C1QTNF3: variants seen among roughly 807,000 people sequenced by gnomAD.
C1QTNF3 encodes C1q and TNF related 3.
A neutral mutation model predicts 32.6 loss-of-function variants in C1QTNF3; 26 were observed. That is an observed-to-expected ratio of 0.80 (90% CI 0.58 to 1.11). C1QTNF3 has a LOEUF of 1.11. C1QTNF3 is among the 50% of genes least tolerant of loss of function. The pLI, the probability that C1QTNF3 is intolerant of heterozygous loss-of-function variation, is 0.00. For synonymous variants in C1QTNF3, 155 were observed against 146.0 expected (o/e 1.06, Z -0.44); for missense variants, 362 against 398.2 (o/e 0.91, Z 0.77).
At chr5:34,111,163 G>T in the C1QTNF3 span, among the ~76,000 whole-genome samples, 1 of 152,144 alleles carries the variant, frequency 6.6e-6, no homozygotes, top group South Asian at 2.1e-4. Context: ...CTTTTGCACA[G>T]ATGATCTATA....
upstream of C1QTNF3, among the ~76,000 whole-genome samples, chr5:34,046,595 G>A (rs930169639): frequency 6.6e-6 from 1 of 152,174 alleles, no homozygotes; most frequent in East Asian, 1.9e-4. Context: ...ACAACCCTTA[G>A]GGGGAACCAA....
rs1330887004 is a variant in C1QTNF3, at chr5:34,028,777, C to T, written c.677G>A (p.Gly226Asp). ...NIGNFFDVMT[G>D]RFGAPVSGVY... ...ACCTGATACTGGGGCCCCAAATCTA[C>T]CAGTCATGACATCAAAGAAGTTTCC... The change falls in exon 4 of 6, where the codon GGT (glycine) becomes GAT (aspartate). Residue 226 changes from glycine (G) to aspartate (D), a missense_variant. Gly to Asp is a moderately conservative substitution (Grantham distance 94). Transcript: ENST00000382065. 1 of 1,608,458 alleles carries T rather than the reference C, an allele frequency of 6.2e-7. No individual in the cohort carries two copies. The highest frequency in any genetic ancestry group is 1.7e-5 in the Admixed American group (1 of 59,352).
the C1QTNF3 span, among the ~76,000 whole-genome samples, chr5:34,145,905 A>G: frequency 6.6e-6 from 1 of 152,180 alleles, no homozygotes; most frequent in African/African-American, 2.4e-5. Context: ...CAGTAAAACC[A>G]TATGATTATT....
At chr5:34,213,792 TATATATATATATATATA>T in the C1QTNF3 span, among the ~76,000 whole-genome samples, 6 of 5,536 alleles carry the variant, frequency 1.1e-3, no homozygotes, top group Non-Finnish European at 2.0e-3. Flanking sequence ...TATACATATA[TATATATATATATATATA>T]TTTTTTTTTT....
At chr5:34,108,325 G>C in the C1QTNF3 span, among the ~76,000 whole-genome samples, 1 of 152,216 alleles carries the variant, frequency 6.6e-6, no homozygotes, top group African/African-American at 2.4e-5. Flanking sequence ...CATAGACTAT[G>C]AAATGGCTTT....
At chr5:34,077,435 A>G in the C1QTNF3 span, among the ~76,000 whole-genome samples, 1 of 151,770 alleles carries the variant, frequency 6.6e-6, no homozygotes, top group South Asian at 2.1e-4. Flanking sequence ...AGTTCTACAA[A>G]ACAGTTCTAT....
At chr5:34,028,018 G>T (rs1452736707) in intron 4 of C1QTNF3, among the ~76,000 whole-genome samples, 1 of 152,100 alleles carries the variant, frequency 6.6e-6, no homozygotes, top group Non-Finnish European at 1.5e-5. Flanking sequence ...TGTCGCCCAG[G>T]CTGGAGTGCA....
the C1QTNF3 span, among the ~76,000 whole-genome samples, chr5:34,205,652 G>C: frequency 1.3e-5 from 2 of 151,586 alleles, no homozygotes; most frequent in Non-Finnish European, 2.9e-5. Context: ...GGCAATTAAA[G>C]CTCTTTTCTT....
the C1QTNF3 span, among the ~76,000 whole-genome samples, chr5:34,218,668 T>C: frequency 2.0e-5 from 3 of 152,122 alleles, no homozygotes; most frequent in Admixed American, 2.0e-4. Flanking sequence ...CGAACAGTTT[T>C]GTACAGTTTA....
At chr5:34,212,921 T>G in the C1QTNF3 span, among the ~76,000 whole-genome samples, 2 of 151,840 alleles carry the variant, frequency 1.3e-5, no homozygotes, top group South Asian at 2.1e-4. Flanking sequence ...ACCCAAAGGA[T>G]TATAAATCAT....
chr5:34,234,886 T>C, the C1QTNF3 span, among the ~76,000 whole-genome samples: 1 of 152,166 alleles, frequency 6.6e-6, no homozygotes, highest in African/African-American at 2.4e-5. Flanking sequence ...TGCTTGAGGA[T>C]ATTTTAAGCC....
the C1QTNF3 span, among the ~76,000 whole-genome samples, chr5:34,235,482 C>T: frequency 6.6e-6 from 1 of 150,886 alleles, no homozygotes; most frequent in Non-Finnish European, 1.5e-5. Context: ...GTCAATAATG[C>T]TAAGGTTTAG....
At position 34,043,152 on chromosome 5, in the gene C1QTNF3, CCT is replaced by C; in HGVS notation, c.-29_-28del. The C allele has an allele frequency of 6.3e-7, 1 of 1,593,528 alleles. No homozygotes were observed. Among genetic ancestry groups the C allele is most frequent in the East Asian group, 2.2e-5 (1 of 44,772 alleles). On this transcript the variant is annotated 5_prime_UTR_variant, in exon 1 of 6. Coordinates refer to ENST00000382065, the MANE Select transcript of C1QTNF3 (RefSeq NM_181435.6). ...ATTCTCAACAGAGCCTCAGAGTCTC[CCT>C]GAGAAGACAGCAGAGCTCCAGGAGC...
chr5:34,130,132 T>TAC, the C1QTNF3 span, among the ~76,000 whole-genome samples: 5,878 of 149,514 alleles, frequency 0.039, 332 homozygotes, highest in African/African-American at 0.12. Context: ...TTTATATATA[T>TAC]ACACACACAC....
the C1QTNF3 span, among the ~76,000 whole-genome samples, chr5:34,112,344 C>T: frequency 1.3e-5 from 2 of 152,098 alleles, no homozygotes; most frequent in African/African-American, 2.4e-5. Flanking sequence ...TGCCAACACA[C>T]ACCAACATGC....
chr5:34,197,757 C>T, the C1QTNF3 span, among the ~76,000 whole-genome samples: 1 of 151,870 alleles, frequency 6.6e-6, no homozygotes, highest in African/African-American at 2.4e-5. Flanking sequence ...TATAGAATAC[C>T]ATAGACAGGG....
chr5:34,061,623 C>T, the C1QTNF3 span, among the ~76,000 whole-genome samples: 1 of 152,208 alleles, frequency 6.6e-6, no homozygotes, highest in Non-Finnish European at 1.5e-5. Context: ...ATGGAAGCTG[C>T]AAGTTTTGAG....
In C1QTNF3 at chr5:34,033,355, C is replaced by G. The variant is rs753729578; in HGVS notation, c.519G>C (p.Gln173His). The change falls in exon 3 of 6, where the codon CAG (glutamine) becomes CAC (histidine). Residue 173 changes from glutamine (Q) to histidine (H), a missense_variant. By Grantham distance (24) the Gln-to-His change is conservative. Transcript: ENST00000382065. ...GDLGPRGERG[Q>H]HGPKGEKGYP... ...AGCCCTTCTCTCCTTTGGGGCCATGCTGCCCCCGCTCCCCTCGAGGCCCCA... is the reference window on the plus strand; with the variant it reads ...AGCCCTTCTCTCCTTTGGGGCCATGGTGCCCCCGCTCCCCTCGAGGCCCCA... The G allele has an allele frequency of 6.2e-7, 1 of 1,613,696 alleles. No homozygotes were observed. The highest frequency in any genetic ancestry group is 2.2e-5 in the East Asian group (1 of 44,850).
chr5:34,238,032 G>A, the C1QTNF3 span, among the ~76,000 whole-genome samples: 1 of 152,164 alleles, frequency 6.6e-6, no homozygotes, highest in African/African-American at 2.4e-5. Flanking sequence ...AATTTATCCT[G>A]CTACATATAC....
Sources: gnomAD v4.1 joint callset for allele counts (sites outside exome capture counted in the v4.1 genomes callset) on GRCh38, gnomAD v4.1.1 for gene constraint, MANE v1.5 for transcripts, NCBI Gene and HGNC (gene_info 2026-07-23, HGNC 2026-07-21) for gene names.